Variants in DYM observed in about 807,000 individuals in gnomAD.
DYM encodes dyggve-Melchior-Clausen syndrome protein.
DYM carries 78 observed loss-of-function variants against 93.1 expected under a neutral mutation model. That is an observed-to-expected ratio of 0.84 (90% CI 0.70 to 1.01). The LOEUF (loss-of-function observed/expected upper bound fraction) is 1.01. DYM is among the 50% of genes least tolerant of loss of function. The probability of loss-of-function intolerance (pLI) is 0.00; values close to 1 mark genes in which losing one functional copy is unlikely to be tolerated. For missense variants in DYM, 789 were observed against 845.0 expected (o/e 0.93, Z 0.82); for synonymous variants, 321 against 319.7 (o/e 1.00, Z -0.04).
In DYM at chr18:49,393,082, A is replaced by G. The variant is rs531887257; in HGVS notation, c.141-1437T>C. Among the ~76,000 whole-genome samples, 146 of 75,994 alleles carry G rather than the reference A, an allele frequency of 1.9e-3. 25 individuals are homozygous for G. The highest frequency in any genetic ancestry group is 0.012 in the East Asian group (12 of 1,000). The allele number at this position is 75,994 out of a possible 152,430, so 49.9% of individuals were successfully genotyped here. On this transcript the variant is annotated intron_variant, in intron 2 of 17. Transcript: ENST00000675505. Reference sequence around the variant, plus strand: ...AGGGGAGGAGGAGGAGGAGGAAAGAAGGGAGGGAGGGAAGGAAGGAAGGAA... The same window carrying G: ...AGGGGAGGAGGAGGAGGAGGAAAGAGGGGAGGGAGGGAAGGAAGGAAGGAA...
intron 15 of DYM, among the ~76,000 whole-genome samples, chr18:49,146,148 G>A (rs1271903348): frequency 6.6e-6 from 1 of 152,084 alleles, no homozygotes; most frequent in Non-Finnish European, 1.5e-5. Context: ...ATGATGAAAT[G>A]AGAGAATGCT....
At chr18:49,118,647 A>G in intron 16 of DYM, 97 bp downstream of exon 16, 1 of 1,156,698 alleles carries the variant, frequency 8.6e-7, no homozygotes, top group Non-Finnish European at 1.3e-6. Flanking sequence ...TTGAAAGAAG[A>G]AACTCTTACT....
chr18:49,191,827 T>C (rs559750392), intron 14 of DYM, among the ~76,000 whole-genome samples: 2 of 152,158 alleles, frequency 1.3e-5, no homozygotes, highest in East Asian at 1.9e-4. Context: ...AATGAAATCA[T>C]ACTATTATTA....
At chr18:49,413,927 T>A (rs923778321) in intron 2 of DYM, among the ~76,000 whole-genome samples, 1 of 151,938 alleles carries the variant, frequency 6.6e-6, no homozygotes, top group Non-Finnish European at 1.5e-5. Context: ...GGAGGACAAC[T>A]TGAACCCAGG....
At chr18:49,275,859 T>G (rs2094835996) in intron 10 of DYM, among the ~76,000 whole-genome samples, 1 of 152,172 alleles carries the variant, frequency 6.6e-6, no homozygotes, top group African/African-American at 2.4e-5. Flanking sequence ...TTAACTTCAT[T>G]TTGGGATTTC....
At chr18:49,060,360 C>T (rs913956715) in intron 17 of DYM, among the ~76,000 whole-genome samples, 1 of 152,054 alleles carries the variant, frequency 6.6e-6, no homozygotes, top group Non-Finnish European at 1.5e-5. Flanking sequence ...CTTCCCACCA[C>T]ACTTCCATTT....
intron 2 of DYM, among the ~76,000 whole-genome samples, chr18:49,426,382 A>T (rs959105978): frequency 1.8e-5 from 2 of 110,544 alleles, no homozygotes; most frequent in African/African-American, 3.6e-5. Context: ...AACATCACAC[A>T]CTGGGGCCTG....
chr18:49,267,882 G>A (rs1375446981), intron 11 of DYM, among the ~76,000 whole-genome samples: 41 of 151,830 alleles, frequency 2.7e-4, no homozygotes, highest in Admixed American at 2.7e-3. Context: ...GGGAGACAAA[G>A]CGAGACTGTG....
intron 2 of DYM, among the ~76,000 whole-genome samples, chr18:49,413,465 CATTTTATCATTCT>C (rs1028059818): frequency 6.8e-6 from 1 of 147,724 alleles, no homozygotes; most frequent in Non-Finnish European, 1.5e-5. Context: ...ATCATTATAT[CATTTTATCATTCT>C]ATTTTATCAT....
At chr18:49,185,670 C>T (rs1324828889) in intron 14 of DYM, among the ~76,000 whole-genome samples, 3 of 152,154 alleles carry the variant, frequency 2.0e-5, no homozygotes, top group Non-Finnish European at 4.4e-5. Flanking sequence ...ATAATAGCCA[C>T]ATGTGAGTGC....
At chr18:49,328,159 C>T (rs539329738) in intron 8 of DYM, among the ~76,000 whole-genome samples, 1 of 152,146 alleles carries the variant, frequency 6.6e-6, no homozygotes, top group African/African-American at 2.4e-5. Flanking sequence ...ATGCTCAAAA[C>T]GTGGCACTGT....
chr18:49,151,615 C>A (rs1382650201), intron 15 of DYM, among the ~76,000 whole-genome samples: 1 of 152,140 alleles, frequency 6.6e-6, no homozygotes, highest in East Asian at 1.9e-4. Flanking sequence ...ATCATTCATC[C>A]CACATAAAAC....
intron 14 of DYM, among the ~76,000 whole-genome samples, chr18:49,184,488 G>A (rs1008758901): frequency 2.0e-5 from 3 of 152,126 alleles, no homozygotes; most frequent in Non-Finnish European, 2.9e-5. Flanking sequence ...AGATACTGCA[G>A]CAATACAGTA....
intron 13 of DYM, among the ~76,000 whole-genome samples, chr18:49,244,271 G>A (rs909033847): frequency 6.6e-6 from 1 of 152,136 alleles, no homozygotes; most frequent in Admixed American, 6.5e-5. Context: ...AACTCCGATT[G>A]GGAAAAGCTG....
chr18:49,233,821 G>A (rs2093779615), intron 13 of DYM, among the ~76,000 whole-genome samples: 1 of 152,062 alleles, frequency 6.6e-6, no homozygotes, highest in African/African-American at 2.4e-5. Flanking sequence ...CAGCTTCTGA[G>A]AACCTTCATT....
At chr18:49,200,060 C>CA (rs2091868629) in intron 14 of DYM, among the ~76,000 whole-genome samples, 1 of 152,030 alleles carries the variant, frequency 6.6e-6, no homozygotes, top group South Asian at 2.1e-4. Flanking sequence ...TCTCTGTGAT[C>CA]ATACTGAGGA....
At chr18:49,079,267 G>T (rs1599576455) in intron 17 of DYM, among the ~76,000 whole-genome samples, 1 of 152,110 alleles carries the variant, frequency 6.6e-6, no homozygotes, top group Non-Finnish European at 1.5e-5. Context: ...TCTAACATCT[G>T]GTTCGTCTTG....
chr18:49,110,041 A>G (rs1103804), intron 16 of DYM, among the ~76,000 whole-genome samples: 94,649 of 152,120 alleles, frequency 0.62, 32,033 homozygotes, highest in Non-Finnish European at 0.75. Flanking sequence ...TGTGGGCCAA[A>G]TCTGGCCTGT....
At chr18:49,247,093 C>G (rs2094189219) in intron 13 of DYM, among the ~76,000 whole-genome samples, 1 of 152,158 alleles carries the variant, frequency 6.6e-6, no homozygotes, top group African/African-American at 2.4e-5. Flanking sequence ...AGTTTACTAT[C>G]AAATACATTA....
Sources: gnomAD v4.1 joint callset for allele counts (sites outside exome capture counted in the v4.1 genomes callset) on GRCh38, gnomAD v4.1.1 for gene constraint, MANE v1.5 for transcripts, NCBI Gene and HGNC (gene_info 2026-07-23, HGNC 2026-07-21) for gene names.